Variants in COLEC10 observed in about 807,000 individuals in gnomAD.
The protein encoded by COLEC10 is collectin-10.
In COLEC10, 22 loss-of-function variants were observed where a neutral mutation model predicts 28.4. The observed-to-expected ratio is 0.78, with a 90% CI of 0.55 to 1.11. COLEC10 has a LOEUF of 1.11. COLEC10 is among the 50% of genes least tolerant of loss of function. The pLI, the probability that COLEC10 is intolerant of heterozygous loss-of-function variation, is 0.00. For missense variants in COLEC10, 361 were observed against 344.1 expected (o/e 1.05, Z -0.39); for synonymous variants, 125 against 116.1 (o/e 1.08, Z -0.49).
chr8:119,094,743 C>T (rs1815677030), intron 3 of COLEC10, among the ~76,000 whole-genome samples: 1 of 152,108 alleles, frequency 6.6e-6, no homozygotes, highest in African/African-American at 2.4e-5. Flanking sequence ...CCCCATATTC[C>T]CAGTTAGAAC....
chr8:119,055,793 C>A (rs1814749739), intron 2 of COLEC10, among the ~76,000 whole-genome samples: 2 of 152,020 alleles, frequency 1.3e-5, no homozygotes, highest in Admixed American at 1.3e-4. Flanking sequence ...AACATGCTTC[C>A]TCTTCAGAGT....
At chr8:119,010,944 C>T (rs757571057) in intron 2 of COLEC10, among the ~76,000 whole-genome samples, 3 of 150,908 alleles carry the variant, frequency 2.0e-5, no homozygotes, top group Non-Finnish European at 4.4e-5. Context: ...GTGTGTGATT[C>T]TCTTTCAATT....
At chr8:119,019,008 A>G (rs544491054) in intron 2 of COLEC10, among the ~76,000 whole-genome samples, 1 of 152,166 alleles carries the variant, frequency 6.6e-6, no homozygotes, top group South Asian at 2.1e-4. Flanking sequence ...TGAAAAAGCT[A>G]TAAAATTCTA....
At chr8:118,994,908 T>C (rs1485308), upstream of COLEC10, among the ~76,000 whole-genome samples, 34,535 of 152,116 alleles carry the variant, frequency 0.23, 4,156 homozygotes, top group East Asian at 0.33. Flanking sequence ...CTTTATCTCA[T>C]AGCACTGACA....
the COLEC10 span, among the ~76,000 whole-genome samples, chr8:118,952,388 C>T: frequency 1.3e-5 from 2 of 152,216 alleles, no homozygotes; most frequent in African/African-American, 4.8e-5. Flanking sequence ...TGTGAGTTTC[C>T]GCCGTACCCG....
intron 2 of COLEC10, among the ~76,000 whole-genome samples, chr8:119,058,771 G>A (rs1341434603): frequency 6.6e-6 from 1 of 152,016 alleles, no homozygotes; most frequent in East Asian, 1.9e-4. Flanking sequence ...TTTCTCCCAA[G>A]TAGATATCTA....
chr8:118,963,592 A>G, the COLEC10 span, among the ~76,000 whole-genome samples: 1 of 152,246 alleles, frequency 6.6e-6, no homozygotes, highest in African/African-American at 2.4e-5. Flanking sequence ...CTCTGAAGTT[A>G]GGATGCATTA....
chr8:118,973,274 TC>T, the COLEC10 span, among the ~76,000 whole-genome samples: 1 of 152,032 alleles, frequency 6.6e-6, no homozygotes, highest in African/African-American at 2.4e-5. Flanking sequence ...CATACATTTA[TC>T]ATCTTGTAAC....
chr8:119,035,279 C>T (rs909409787), intron 2 of COLEC10, among the ~76,000 whole-genome samples: 1 of 143,950 alleles, frequency 6.9e-6, no homozygotes, highest in Non-Finnish European at 1.5e-5. Context: ...TATGTACTTT[C>T]AGGAATATCT....
intron 2 of COLEC10, among the ~76,000 whole-genome samples, chr8:119,058,073 A>G (rs187622723): frequency 2.0e-5 from 3 of 152,174 alleles, no homozygotes; most frequent in African/African-American, 7.2e-5. Context: ...ATATCAGGGC[A>G]TATAGAGCTA....
At chr8:119,041,266 AT>A (rs35593022) in intron 2 of COLEC10, among the ~76,000 whole-genome samples, 1 of 150,544 alleles carries the variant, frequency 6.6e-6, no homozygotes, top group Non-Finnish European at 1.5e-5. Flanking sequence ...TTGAAGCAGT[AT>A]TTTTTTTTTC....
At chr8:118,979,913 C>G in the COLEC10 span, among the ~76,000 whole-genome samples, 3 of 152,106 alleles carry the variant, frequency 2.0e-5, no homozygotes, top group African/African-American at 7.2e-5. Context: ...TGGCAGACTT[C>G]TGTTCCTCAT....
chr8:119,008,878 A>C (rs1470240214), intron 1 of COLEC10, among the ~76,000 whole-genome samples: 1 of 151,152 alleles, frequency 6.6e-6, no homozygotes, highest in African/African-American at 2.5e-5. Context: ...TGTGTGAAGG[A>C]AAACGTTATC....
chr8:119,023,461 A>G (rs1055175337), intron 2 of COLEC10, among the ~76,000 whole-genome samples: 1 of 152,178 alleles, frequency 6.6e-6, no homozygotes, highest in Non-Finnish European at 1.5e-5. Flanking sequence ...AAAAAAAGGC[A>G]GAGAGGTACA....
chr8:118,995,216 GA>G (rs1425099631), upstream of COLEC10, among the ~76,000 whole-genome samples: 2 of 151,798 alleles, frequency 1.3e-5, no homozygotes, highest in Non-Finnish European at 2.9e-5. Flanking sequence ...CCTGGAATTT[GA>G]GCAGGGTGCT....
chr8:118,998,771 C>T (rs955282669), intron 1 of COLEC10, among the ~76,000 whole-genome samples: 1 of 139,028 alleles, frequency 7.2e-6, no homozygotes, highest in Non-Finnish European at 1.5e-5. Flanking sequence ...AGCGTGAACC[C>T]GGGAGGCAGA....
chr8:119,025,292 G>C (rs990784902), intron 2 of COLEC10, among the ~76,000 whole-genome samples: 1 of 152,320 alleles, frequency 6.6e-6, no homozygotes, highest in African/African-American at 2.4e-5. Context: ...ACTTACCGCA[G>C]AGATTATTTT....
At chr8:118,979,616 A>G in the COLEC10 span, among the ~76,000 whole-genome samples, 1 of 152,262 alleles carries the variant, frequency 6.6e-6, no homozygotes, top group South Asian at 2.1e-4. Flanking sequence ...TCATTCCACA[A>G]ATTACAAATA....
At chr8:119,103,342 T>A (rs919476543) in intron 4 of COLEC10, among the ~76,000 whole-genome samples, 5 of 152,208 alleles carry the variant, frequency 3.3e-5, no homozygotes, top group African/African-American at 1.2e-4. Context: ...GAATTAACAT[T>A]TGATTTAATC....
Sources: gnomAD v4.1 joint callset for allele counts (sites outside exome capture counted in the v4.1 genomes callset) on GRCh38, gnomAD v4.1.1 for gene constraint, MANE v1.5 for transcripts, NCBI Gene and HGNC (gene_info 2026-07-23, HGNC 2026-07-21) for gene names.